The following MEF2C variants were observed in gnomAD, a reference collection of about 807,000 sequenced individuals.
MEF2C encodes the protein myocyte enhancer factor 2C.
A neutral mutation model predicts 50.5 loss-of-function variants in MEF2C; 6 were observed. The ratio of observed to expected loss-of-function variants is 0.12; its 90% CI spans 0.07 to 0.23. MEF2C has a LOEUF of 0.23. Ranked by LOEUF, MEF2C falls within the 10% of genes least tolerant of loss-of-function variation. MEF2C has a pLI of 1.00. For missense variants in MEF2C, 276 were observed against 605.0 expected (o/e 0.46, Z 5.70); for synonymous variants, 183 against 228.0 (o/e 0.80, Z 1.78).
At chr5:88,873,822 T>C (rs535204394) in intron 1 of MEF2C, among the ~76,000 whole-genome samples, 2 of 149,950 alleles carry the variant, frequency 1.3e-5, no homozygotes, top group Non-Finnish European at 3.0e-5. Flanking sequence ...CTAACCTATA[T>C]AGAGTCTAAG....
intron 1 of MEF2C, among the ~76,000 whole-genome samples, chr5:88,852,266 T>G (rs1821648107): frequency 6.6e-6 from 1 of 152,312 alleles, no homozygotes; most frequent in Admixed American, 6.5e-5. Flanking sequence ...ATTTTAAAGC[T>G]ATTTCTTCTA....
intron 3 of MEF2C, among the ~76,000 whole-genome samples, chr5:88,767,169 A>T (rs571096699): frequency 1.0e-3 from 154 of 152,290 alleles, no homozygotes; most frequent in African/African-American, 3.5e-3. Flanking sequence ...TTCGGCAAAC[A>T]ATTATTGAAA....
chr5:88,806,037 C>T (rs965913790), intron 2 of MEF2C, among the ~76,000 whole-genome samples: 1 of 151,798 alleles, frequency 6.6e-6, no homozygotes. Context: ...GCTATGAAAC[C>T]TTTTAAACTT....
chr5:88,859,206 A>T (rs1338533083), intron 1 of MEF2C, among the ~76,000 whole-genome samples: 1 of 152,240 alleles, frequency 6.6e-6, no homozygotes, highest in Non-Finnish European at 1.5e-5. Flanking sequence ...CCATGAAAAA[A>T]TAAATTCTGG....
intron 1 of MEF2C, among the ~76,000 whole-genome samples, chr5:88,847,992 T>C (rs549294864): frequency 6.6e-6 from 1 of 152,256 alleles, no homozygotes; most frequent in Non-Finnish European, 1.5e-5. Flanking sequence ...ATAAAGTACA[T>C]AACTAAAAAG....
At chr5:88,731,924 C>T in intron 6 of MEF2C, 23 bp from the exon 7 acceptor site, 1 of 1,593,670 alleles carries the variant, frequency 6.3e-7, no homozygotes, top group Non-Finnish European at 8.6e-7. Flanking sequence ...AACAATAAAG[C>T]ATTTAGGAAG....
chr5:88,892,784 C>T (rs1160720419), intron 1 of MEF2C, among the ~76,000 whole-genome samples: 3 of 152,184 alleles, frequency 2.0e-5, no homozygotes, highest in Non-Finnish European at 4.4e-5. Context: ...ATGCTATTGT[C>T]AGCCAAGATG....
At chr5:88,736,647 C>T in intron 6 of MEF2C, 1 of 985,240 alleles carries the variant, frequency 1.0e-6, no homozygotes, top group Non-Finnish European at 1.2e-6. Flanking sequence ...AACTTTTGTG[C>T]ATTTGTGTGA....
At chr5:88,807,623 T>C (rs1002011534) in intron 2 of MEF2C, among the ~76,000 whole-genome samples, 1 of 152,218 alleles carries the variant, frequency 6.6e-6, no homozygotes, top group Non-Finnish European at 1.5e-5. Context: ...GAGGATTGTA[T>C]CCAATAATGT....
chr5:88,790,472 C>T (rs1002001385), intron 3 of MEF2C, among the ~76,000 whole-genome samples: 2 of 152,186 alleles, frequency 1.3e-5, no homozygotes, highest in African/African-American at 4.8e-5. Context: ...GGGCCACAGG[C>T]ATTTCATTTG....
At chr5:88,791,320 C>T (rs1793639792) in intron 3 of MEF2C, among the ~76,000 whole-genome samples, 1 of 151,972 alleles carries the variant, frequency 6.6e-6, no homozygotes. Flanking sequence ...TTGTTTTGCT[C>T]TAGTTCAGGA....
chr5:88,891,493 C>T (rs1178411440), intron 1 of MEF2C, among the ~76,000 whole-genome samples: 1 of 150,068 alleles, frequency 6.7e-6, no homozygotes, highest in Non-Finnish European at 1.5e-5. Context: ...AGCTCCACCT[C>T]CTGGGTTCAT....
Position 88,823,904 on chromosome 5 carries a change from G to T in MEF2C, c.-116C>A. 1 of 1,487,534 alleles carries T rather than the reference G, an allele frequency of 6.7e-7. No homozygotes were observed. Among genetic ancestry groups the T allele is most frequent in the Non-Finnish European group, 8.9e-7 (1 of 1,118,266 alleles). 92.1% of individuals were successfully genotyped at this position (1,487,534 alleles called of 1,614,324 possible). ...CCTTCTTCAGCACTTGCACAGCTCA[G>T]TTCCCAAATTCCTGCATTCGTTCCT... is the stretch of plus-strand genomic sequence containing the variant. On this transcript the variant is annotated 5_prime_UTR_variant, in exon 2 of 11. In the 5' UTR this introduces an upstream ATG that the reference lacks. Transcript: ENST00000504921.
chr5:88,812,099 G>A (rs1803093686), intron 2 of MEF2C, among the ~76,000 whole-genome samples: 1 of 151,570 alleles, frequency 6.6e-6, no homozygotes, highest in African/African-American at 2.4e-5. Flanking sequence ...AGGCTTAGTC[G>A]CTCCTTGAAA....
intron 1 of MEF2C, among the ~76,000 whole-genome samples, chr5:88,851,691 A>C (rs1203944633): frequency 2.6e-5 from 4 of 152,124 alleles, no homozygotes; most frequent in African/African-American, 9.7e-5. Flanking sequence ...CGGCTAACTT[A>C]ATTAAGGTTT....
chr5:88,748,718 T>A (rs1208718931), intron 6 of MEF2C: 1 of 939,940 alleles, frequency 1.1e-6, no homozygotes, highest in Non-Finnish European at 1.3e-6. Context: ...GGAAAATGAT[T>A]CATATTTAAT....
At chr5:88,874,137 T>C (rs969284478) in intron 1 of MEF2C, among the ~76,000 whole-genome samples, 6 of 152,006 alleles carry the variant, frequency 3.9e-5, no homozygotes, top group Admixed American at 3.9e-4. Flanking sequence ...TCCCAAATTC[T>C]TGACCAGAGA....
At chr5:88,883,253 A>AGGGGAGCGCGCGCGAG (rs1833523531), upstream of MEF2C, 1 of 133,600 alleles carries the variant, frequency 7.5e-6, no homozygotes, top group African/African-American at 2.8e-5. Context: ...AGCGCGCGCG[A>AGGGGAGCGCGCGCGAG]GGGGGGGGGC....
intron 1 of MEF2C, among the ~76,000 whole-genome samples, chr5:88,854,251 T>A (rs1032746451): frequency 6.6e-6 from 1 of 152,202 alleles, no homozygotes; most frequent in African/African-American, 2.4e-5. Flanking sequence ...AGAGTAGTTA[T>A]GATCAACATC....
Sources: allele counts gnomAD v4.1 joint callset (sites outside exome capture counted in the v4.1 genomes callset), GRCh38; gene constraint gnomAD v4.1.1; transcripts MANE v1.5; gene names NCBI Gene and HGNC (gene_info 2026-07-23, HGNC 2026-07-21).